Variants in NRG3 observed in about 807,000 individuals in gnomAD.
The protein encoded by NRG3 is pro-neuregulin-3, membrane-bound isoform.
NRG3 carries 31 observed loss-of-function variants against 66.9 expected under a neutral mutation model. The observed-to-expected ratio is 0.46, with a 90% CI of 0.35 to 0.63. The LOEUF (loss-of-function observed/expected upper bound fraction) is 0.63. Ranked by LOEUF, NRG3 falls within the 20% of genes least tolerant of loss-of-function variation. NRG3 has a pLI of 0.00. For missense variants in NRG3, 910 were observed against 878.9 expected (o/e 1.04, Z -0.45); for synonymous variants, 393 against 359.4 (o/e 1.09, Z -1.06).
At chr10:82,438,419 A>C (rs189889001) in intron 2 of NRG3, among the ~76,000 whole-genome samples, 3 of 152,320 alleles carry the variant, frequency 2.0e-5, no homozygotes, top group Admixed American at 6.5e-5. Context: ...TGAAAAGTGC[A>C]GCCTGGAGCT....
chr10:82,837,523 G>A (rs1017637166), intron 3 of NRG3, among the ~76,000 whole-genome samples: 8 of 152,110 alleles, frequency 5.3e-5, no homozygotes, highest in Middle Eastern at 3.4e-3. Context: ...GAAAAATAAA[G>A]AAGACGAAAA....
In NRG3 at chr10:82,487,007, ATACTG is replaced by A. The variant is rs1222523876; in HGVS notation, c.953+128145_953+128149del. On this transcript the variant is annotated intron_variant, in intron 2 of 8. Coordinates refer to ENST00000372141, the MANE Select transcript of NRG3 (RefSeq NM_001010848.4). ...TAAACCATTGTGCTTATAGTTAACAATACTGTACTGAACACAAAAGTTTAAGAGGT... is the reference window on the plus strand; with the variant it reads ...TAAACCATTGTGCTTATAGTTAACAATACTGAACACAAAAGTTTAAGAGGT... Among the ~76,000 whole-genome samples the A allele has an allele frequency of 1.2e-4, 18 of 151,392 alleles. No homozygotes were observed. In the East Asian group the frequency reaches 3.3e-3, roughly 28 times the overall value.
At chr10:82,277,033 A>G (rs931811950) in intron 1 of NRG3, among the ~76,000 whole-genome samples, 1 of 152,090 alleles carries the variant, frequency 6.6e-6, no homozygotes, top group Non-Finnish European at 1.5e-5. Context: ...AGACGATGTT[A>G]CCATACAACT....
At chr10:82,768,650 C>T (rs1276819343) in intron 3 of NRG3, among the ~76,000 whole-genome samples, 1 of 152,078 alleles carries the variant, frequency 6.6e-6, no homozygotes, top group African/African-American at 2.4e-5. Context: ...GTATATAAAA[C>T]ATTTTTCTTT....
At chr10:82,032,471 A>G (rs1296577505) in intron 1 of NRG3, among the ~76,000 whole-genome samples, 4 of 151,980 alleles carry the variant, frequency 2.6e-5, no homozygotes, top group South Asian at 2.1e-4. Context: ...TTTAAATGCA[A>G]TGGAGGGAAC....
chr10:81,998,491 C>G (rs1589730381), intron 1 of NRG3, among the ~76,000 whole-genome samples: 1 of 152,132 alleles, frequency 6.6e-6, no homozygotes, highest in Admixed American at 6.5e-5. Context: ...GTGGACATCT[C>G]ATGGGTCTTT....
intron 2 of NRG3, among the ~76,000 whole-genome samples, chr10:82,691,474 T>G (rs1333316344): frequency 2.0e-5 from 3 of 152,168 alleles, no homozygotes; most frequent in Non-Finnish European, 4.4e-5. Context: ...ATCCAAGTCC[T>G]GGTTGCTGAC....
rs11192870 is a variant in NRG3, at chr10:82,183,456, C to T, written c.824-175283C>T. Among the ~76,000 whole-genome samples the T allele has an allele frequency of 6.1e-3, 931 of 152,092 alleles. 55 individuals are homozygous for T. The East Asian group carries it at 0.14, about 23-fold the overall frequency. ...AACCATTCTAGTGAATTTTTCAGTT[C>T]AGTTATTGCATTCTTCAGGTGCAAA... On this transcript the variant is annotated intron_variant, in intron 1 of 8. Coordinates refer to ENST00000372141, the MANE Select transcript of NRG3 (RefSeq NM_001010848.4).
At chr10:82,807,844 T>G (rs2061349993) in intron 3 of NRG3, among the ~76,000 whole-genome samples, 1 of 152,218 alleles carries the variant, frequency 6.6e-6, no homozygotes, top group Admixed American at 6.5e-5. Flanking sequence ...TTAAATAAAT[T>G]TATTTCATTT....
intron 2 of NRG3, among the ~76,000 whole-genome samples, chr10:82,410,539 G>T (rs2087990739): frequency 6.6e-6 from 1 of 151,236 alleles, no homozygotes; most frequent in South Asian, 2.1e-4. Context: ...GGTGGCTAAG[G>T]GGTGGAGGGA....
chr10:82,855,926 G>A (rs56276819), intron 3 of NRG3, among the ~76,000 whole-genome samples: 4 of 152,094 alleles, frequency 2.6e-5, no homozygotes, highest in African/African-American at 7.2e-5. Context: ...CAAAAATTAC[G>A]TAACAAAGAC....
chr10:82,837,990 C>T lies in NRG3; in HGVS notation c.1028-27421C>T, dbSNP rs115368967. 2.8e-3 allele frequency among the ~76,000 whole-genome samples: 425 copies of T among 152,192 alleles called. 2 individuals are homozygous for T. The highest frequency in any genetic ancestry group is 9.8e-3 in the African/African-American group (407 of 41,520). ...CAAAAAACAAAACCACTGATAGGCT[C>T]AATAGAATGTTATCATCCAGGAGGA... On this transcript the variant is annotated intron_variant, in intron 3 of 8. Transcript: ENST00000372141.
At chr10:82,978,082 C>T (rs1183595382) in intron 7 of NRG3, among the ~76,000 whole-genome samples, 8 of 152,086 alleles carry the variant, frequency 5.3e-5, no homozygotes, top group Non-Finnish European at 7.4e-5. Context: ...ACTAGCATCT[C>T]GTGGAATGTC....
chr10:82,678,986 G>A lies in NRG3; in HGVS notation c.954-59591G>A, dbSNP rs370096187. Reference sequence around the variant, plus strand: ...AGGTGGACAATCTGACATTGGAAATGTAGACATTGTTGTTAGACCTGGATT... The same window carrying A: ...AGGTGGACAATCTGACATTGGAAATATAGACATTGTTGTTAGACCTGGATT... On this transcript the variant is annotated intron_variant, in intron 2 of 8. Coordinates refer to ENST00000372141, the MANE Select transcript of NRG3 (RefSeq NM_001010848.4). Among the ~76,000 whole-genome samples the A allele has an allele frequency of 2.0e-5, 3 of 152,354 alleles. No homozygotes were observed. In the South Asian group the frequency reaches 6.2e-4, roughly 32 times the overall value.
At chr10:82,152,963 A>G (rs1387633201) in intron 1 of NRG3, among the ~76,000 whole-genome samples, 4 of 151,398 alleles carry the variant, frequency 2.6e-5, no homozygotes, top group African/African-American at 9.7e-5. Context: ...ATGGGGTACA[A>G]TGTGATACTT....
chr10:82,833,889 C>T (rs539802801), intron 3 of NRG3, among the ~76,000 whole-genome samples: 2 of 152,278 alleles, frequency 1.3e-5, no homozygotes, highest in African/African-American at 4.8e-5. Flanking sequence ...AGGAATATGG[C>T]CAATTTAATA....
chr10:82,656,609 G>A (rs1414443729), intron 2 of NRG3, among the ~76,000 whole-genome samples: 1 of 151,826 alleles, frequency 6.6e-6, no homozygotes, highest in African/African-American at 2.4e-5. Flanking sequence ...CTCTTTTGCT[G>A]CAATCCACCT....
chr10:82,170,225 A>G lies in NRG3; in HGVS notation c.824-188514A>G, dbSNP rs534779606. Among the ~76,000 whole-genome samples the G allele has an allele frequency of 3.3e-5, 5 of 152,150 alleles. No homozygotes were observed. The South Asian group carries it at 1.0e-3, about 32-fold the overall frequency. ...TTCCTGGCCTATGGGTTTCTGAAAT[A>G]TACCACCTTTTCTCTTGTGCAGAAA... On this transcript the variant is annotated intron_variant, in intron 1 of 8. Transcript: ENST00000372141.
intron 1 of NRG3, among the ~76,000 whole-genome samples, chr10:82,280,439 C>T (rs1397751019): frequency 2.0e-5 from 3 of 152,092 alleles, no homozygotes; most frequent in African/African-American, 7.2e-5. Flanking sequence ...AGACTTTGTC[C>T]TAAATGCTTA....
Sources: allele counts gnomAD v4.1 joint callset (sites outside exome capture counted in the v4.1 genomes callset), GRCh38; gene constraint gnomAD v4.1.1; transcripts MANE v1.5; gene names NCBI Gene and HGNC (gene_info 2026-07-23, HGNC 2026-07-21).